The following ARFGEF3 variants were observed in gnomAD, a reference collection of about 807,000 sequenced individuals.
The protein encoded by ARFGEF3 is ARFGEF family member 3, also known as brefeldin A-inhibited guanine nucleotide-exchange protein 3.
In ARFGEF3, 96 loss-of-function variants were observed where a neutral mutation model predicts 221.7. The observed-to-expected ratio is 0.43, with a 90% CI of 0.37 to 0.51. ARFGEF3 has a LOEUF of 0.51. ARFGEF3 is among the 20% of genes least tolerant of loss of function. ARFGEF3 has a pLI of 0.00. For synonymous variants in ARFGEF3, 1,145 were observed against 1,126.8 expected (o/e 1.02, Z -0.32); for missense variants, 2,410 against 2,789.9 (o/e 0.86, Z 3.07).
chr6:138,242,518 A>T (rs1280319046), intron 6 of ARFGEF3, among the ~76,000 whole-genome samples: 1 of 152,124 alleles, frequency 6.6e-6, no homozygotes, highest in Non-Finnish European at 1.5e-5. Flanking sequence ...TATGGCCAAG[A>T]GTCTGTGTTT....
intron 1 of ARFGEF3, among the ~76,000 whole-genome samples, chr6:138,169,781 C>G (rs548464578): frequency 6.6e-6 from 1 of 152,246 alleles, no homozygotes; most frequent in South Asian, 2.1e-4. Context: ...TTTTGCCCCA[C>G]TGGCCATATC....
At chr6:138,268,660 C>G (rs1276904737) in intron 12 of ARFGEF3, among the ~76,000 whole-genome samples, 1 of 152,186 alleles carries the variant, frequency 6.6e-6, no homozygotes, top group African/African-American at 2.4e-5. Flanking sequence ...CTGGATAGAA[C>G]AAAGTGACGT....
At chr6:138,232,521 G>C (rs959908470) in intron 5 of ARFGEF3, among the ~76,000 whole-genome samples, 1 of 152,158 alleles carries the variant, frequency 6.6e-6, no homozygotes, top group African/African-American at 2.4e-5. Flanking sequence ...CAGAAAGCCT[G>C]TTTCATAAAT....
intron 3 of ARFGEF3, among the ~76,000 whole-genome samples, chr6:138,207,698 A>G (rs11967769): frequency 0.023 from 3,526 of 152,296 alleles, 147 homozygotes; most frequent in African/African-American, 0.078. Flanking sequence ...GATGGTAAAA[A>G]GGTGATGACT....
At chr6:138,321,948 G>A (rs976399591) in intron 29 of ARFGEF3, among the ~76,000 whole-genome samples, 5 of 152,166 alleles carry the variant, frequency 3.3e-5, no homozygotes, top group Admixed American at 1.3e-4. Context: ...AGGCAAGGAG[G>A]AGCAAGTCAC....
At chr6:138,270,795 C>T (rs143994020) in intron 12 of ARFGEF3, among the ~76,000 whole-genome samples, 28 of 152,202 alleles carry the variant, frequency 1.8e-4, no homozygotes, top group Admixed American at 5.9e-4. Context: ...TTGAGTGTTA[C>T]TGTAGGAGCC....
chr6:138,286,082 C>T (rs1242836940), intron 15 of ARFGEF3, 29 bp downstream of exon 15: 3 of 1,173,074 alleles, frequency 2.6e-6, no homozygotes, highest in Admixed American at 1.7e-5. Flanking sequence ...AGTTTATGAA[C>T]ATCCATACAC....
At chr6:138,270,862 C>T (rs9484137) in intron 12 of ARFGEF3, among the ~76,000 whole-genome samples, 10,446 of 152,132 alleles carry the variant, frequency 0.069, 1,155 homozygotes, top group African/African-American at 0.24. Flanking sequence ...TGTCAAGACT[C>T]TAAAAGGACC....
At chr6:138,255,957 G>A (rs760365958) in intron 10 of ARFGEF3, among the ~76,000 whole-genome samples, 188 bp downstream of exon 10, 1 of 152,166 alleles carries the variant, frequency 6.6e-6, no homozygotes, top group East Asian at 1.9e-4. Flanking sequence ...TGGGGTAGGA[G>A]GGGTCAGTGA....
chr6:138,311,555 C>A, intron 25 of ARFGEF3, 45 bp downstream of exon 25: 1 of 1,363,366 alleles, frequency 7.3e-7, no homozygotes, highest in Non-Finnish European at 1.0e-6. Context: ...AAACCTGCCT[C>A]GGAACATGCT....
Position 138,334,990 on chromosome 6 carries a change from G to A in ARFGEF3, c.6144G>A (p.Glu2048=). Residue 2048 remains glutamate (E), a synonymous_variant, in exon 33 of 34, where the codon GAG becomes GAA. Transcript: ENST00000251691. This position sits in a 1 kb window ranked among gnomAD's most constrained non-coding sequence, Gnocchi z 5.1. The part of the protein sequence containing the change: ...LSAFPKEVKV[E]KKGEPLGPRG... The stretch of plus-strand genomic sequence containing the variant: ...CGTTCCCCAAAGAGGTCAAAGTGGA[G>A]AAGAAAGGAGAGCCACTGGGTCCCA... The A allele has an allele frequency of 6.3e-7, 1 of 1,585,452 alleles. No homozygotes were observed. Among genetic ancestry groups the A allele is most frequent in the Non-Finnish European group, 8.6e-7 (1 of 1,166,576 alleles).
intron 4 of ARFGEF3, among the ~76,000 whole-genome samples, 171 bp downstream of exon 4, chr6:138,210,212 A>G (rs993363612): frequency 1.3e-5 from 2 of 152,208 alleles, no homozygotes; most frequent in Non-Finnish European, 2.9e-5. Context: ...CTGATGGTTT[A>G]ACATCAAAAG....
intron 2 of ARFGEF3, among the ~76,000 whole-genome samples, chr6:138,184,589 C>T (rs1426530711): frequency 2.6e-5 from 4 of 152,190 alleles, no homozygotes; most frequent in Non-Finnish European, 5.9e-5. Context: ...TAAAAGGGCC[C>T]AGCTTGTCCT....
rs1776715042 is a variant in ARFGEF3, at chr6:138,165,887, A to G, written c.85+3716A>G. Among the ~76,000 whole-genome samples, 3 of 152,216 alleles carry G rather than the reference A, an allele frequency of 2.0e-5. 1 individual carries two copies. Among genetic ancestry groups the G allele is most frequent in the Admixed American group, 2.0e-4 (3 of 15,288 alleles). On this transcript the variant is annotated intron_variant, in intron 1 of 33. Transcript: ENST00000251691. ...GGACTTCTCCAGTCACTCCTGCCTG[A>G]TCCTTGGTTTCCCTTGTTCTCTTTG... is the stretch of plus-strand genomic sequence containing the variant.
At chr6:138,275,115 A>T (rs1277850244) in intron 12 of ARFGEF3, among the ~76,000 whole-genome samples, 1 of 152,094 alleles carries the variant, frequency 6.6e-6, no homozygotes, top group Non-Finnish European at 1.5e-5. Context: ...CTCAAAAAAA[A>T]TAATAAATAA....
At chr6:138,185,815 C>A (rs766922681) in intron 2 of ARFGEF3, among the ~76,000 whole-genome samples, 2 of 152,178 alleles carry the variant, frequency 1.3e-5, no homozygotes, top group African/African-American at 4.8e-5. Flanking sequence ...ATACCCATGG[C>A]TGCTGGTGCT....
chr6:138,287,303 A>G, intron 17 of ARFGEF3, 119 bp downstream of exon 17: 1 of 709,872 alleles, frequency 1.4e-6, no homozygotes, highest in Non-Finnish European at 2.4e-6. Flanking sequence ...CCCGGTATGT[A>G]TACACCACTG....
At chr6:138,297,837 A>T (rs1779549198) in intron 21 of ARFGEF3, among the ~76,000 whole-genome samples, 1 of 152,122 alleles carries the variant, frequency 6.6e-6, no homozygotes, top group Admixed American at 6.5e-5. Flanking sequence ...GGCAGATCTC[A>T]CTGGCTTTAA....
rs1340745382 is a variant in ARFGEF3 at position 138,335,172 on chromosome 6, C to A, written c.6326C>A (p.Ala2109Glu). The A allele has an allele frequency of 6.4e-7, 1 of 1,550,748 alleles. No individual in the cohort carries two copies. ...GSSLSVSVRDAEAQIQAWTNM... is the reference protein window; with the variant it reads ...GSSLSVSVRDEEAQIQAWTNM... The stretch of plus-strand genomic sequence containing the variant: ...TCCCTCAGTGTCTCGGTGAGAGACG[C>A]AGAAGCACAGATCCAGGTACATCCC... The change falls in exon 33 of 34, where the codon GCA (alanine) becomes GAA (glutamate). Residue 2109 changes from alanine (A) to glutamate (E), a missense_variant. Ala to Glu is a moderately radical substitution (Grantham distance 107). Transcript: ENST00000251691.
Sources: gnomAD v4.1 joint callset for allele counts (sites outside exome capture counted in the v4.1 genomes callset) on GRCh38, gnomAD v4.1.1 for gene constraint, Gnocchi (gnomAD v3.1) non-coding constraint, MANE v1.5 for transcripts, NCBI Gene and HGNC (gene_info 2026-07-23, HGNC 2026-07-21) for gene names.